The following GNB1 variants were observed in gnomAD, a reference collection of about 807,000 sequenced individuals.
GNB1 encodes the protein guanine nucleotide-binding protein G(I)/G(S)/G(T) subunit beta-1.
In GNB1, 2 loss-of-function variants were observed where a neutral mutation model predicts 42.9. That is an observed-to-expected ratio of 0.05 (90% CI 0.02 to 0.15). GNB1 has a LOEUF of 0.15. Ranked by LOEUF, GNB1 falls within the 10% of genes least tolerant of loss-of-function variation. The probability of loss-of-function intolerance (pLI) is 1.00; values close to 1 mark genes in which losing one functional copy is unlikely to be tolerated. For missense variants in GNB1, 193 were observed against 462.2 expected (o/e 0.42, Z 5.34); for synonymous variants, 183 against 174.7 (o/e 1.05, Z -0.38).
intron 1 of GNB1, among the ~76,000 whole-genome samples, chr1:1,885,551 CTTTTT>C (rs60651257): frequency 1.2e-4 from 11 of 94,052 alleles, no homozygotes; most frequent in African/African-American, 2.8e-4. Context: ...TCCACTTAAT[CTTTTT>C]TTTTTTTTTT....
In GNB1 at chr1:1,789,084, G is replaced by A. The variant is rs148709494; in HGVS notation, c.885C>T (p.Asn295=). Residue 295 remains asparagine (N), a synonymous_variant, in exon 10 of 12, where the codon AAC becomes AAT. Coordinates refer to ENST00000378609, the MANE Select transcript of GNB1 (RefSeq NM_002074.5). ...GGTCGGCTTTGAGTGCATCCCAGAC[G>A]TTGCAGTTGAAGTCGTCGTACCCAG... is the stretch of plus-strand genomic sequence containing the variant. The part of the protein sequence containing the change: ...LLAGYDDFNC[N]VWDALKADRA... The A allele has an allele frequency of 6.4e-5, 103 of 1,614,152 alleles. No homozygotes were observed. In the African/African-American group the frequency reaches 6.9e-4, roughly 11 times the overall value.
At chr1:1,837,014 A>C (rs184511665) in intron 2 of GNB1, among the ~76,000 whole-genome samples, 5 of 152,012 alleles carry the variant, frequency 3.3e-5, no homozygotes. Context: ...GTTCTTACCT[A>C]TTCTGGATAC....
At chr1:1,849,992 T>TG (rs146918756) in intron 1 of GNB1, among the ~76,000 whole-genome samples, 22,183 of 152,102 alleles carry the variant, frequency 0.15, 2,223 homozygotes, top group Non-Finnish European at 0.22. Context: ...TTGTTTGAGA[T>TG]GGAGTCTCGC....
intron 1 of GNB1, among the ~76,000 whole-genome samples, chr1:1,856,188 A>G (rs973599775): frequency 3.9e-5 from 6 of 152,174 alleles, no homozygotes; most frequent in Non-Finnish European, 1.5e-5. Flanking sequence ...CACCTGGCTA[A>G]CTTTTATATT....
At chr1:1,845,307 C>T (rs568889081) in intron 1 of GNB1, among the ~76,000 whole-genome samples, 1 of 152,344 alleles carries the variant, frequency 6.6e-6, no homozygotes, top group Non-Finnish European at 1.5e-5. Context: ...GGTGCGGTGG[C>T]TCACGCCTGT....
intron 7 of GNB1, among the ~76,000 whole-genome samples, chr1:1,803,819 T>C (rs1393724994): frequency 1.3e-5 from 2 of 151,510 alleles, no homozygotes; most frequent in Non-Finnish European, 1.5e-5. Flanking sequence ...CCGCCTCTAC[T>C]AAAAATACAA....
chr1:1,810,490 C>T (rs959823852), intron 5 of GNB1, among the ~76,000 whole-genome samples: 41 of 140,610 alleles, frequency 2.9e-4, no homozygotes, highest in Non-Finnish European at 5.3e-4. Context: ...AAGCTAGGAT[C>T]GCACCACTGC....
intron 1 of GNB1, among the ~76,000 whole-genome samples, chr1:1,846,568 AAATCAATC>A (rs201437769): frequency 1.2e-4 from 18 of 152,004 alleles, no homozygotes; most frequent in Admixed American, 1.1e-3. Context: ...CTCCATCTCA[AAATCAATC>A]AATCAATCAA....
intron 10 of GNB1, 155 bp downstream of exon 10, chr1:1,788,898 G>C: frequency 1.6e-6 from 1 of 619,110 alleles, no homozygotes; most frequent in Non-Finnish European, 2.9e-6. Flanking sequence ...TGGAGGGTCA[G>C]AGCTGGGCCA....
Position 1,830,910 on chromosome 1 carries a change from T to C in GNB1, c.-46-5411A>G, listed in dbSNP as rs528832353. 2.0e-5 allele frequency among the ~76,000 whole-genome samples: 3 copies of C among 152,266 alleles called. No homozygotes were observed. In the South Asian group the frequency reaches 6.2e-4, roughly 32 times the overall value. On this transcript the variant is annotated intron_variant, in intron 2 of 11. Coordinates refer to ENST00000378609, the MANE Select transcript of GNB1 (RefSeq NM_002074.5). ...CAGGTGCAATGGCTCAAGCCTATAA[T>C]CCCAGCACTTTGAGAGGCTGAGGCA... is the stretch of plus-strand genomic sequence containing the variant.
intron 1 of GNB1, among the ~76,000 whole-genome samples, chr1:1,878,061 C>T (rs1649644187): frequency 6.6e-6 from 1 of 152,204 alleles, no homozygotes; most frequent in Non-Finnish European, 1.5e-5. Context: ...ACTAAGTTCA[C>T]TGTCACCACG....
chr1:1,872,158 T>C (rs1649284724), intron 1 of GNB1, among the ~76,000 whole-genome samples: 1 of 152,060 alleles, frequency 6.6e-6, no homozygotes, highest in South Asian at 2.1e-4. Context: ...TATGCTACAA[T>C]GCCCAGCTAA....
chr1:1,802,258 C>T (rs1330151918), intron 7 of GNB1, among the ~76,000 whole-genome samples: 3 of 152,068 alleles, frequency 2.0e-5, no homozygotes, highest in Non-Finnish European at 2.9e-5. Flanking sequence ...GCACACAGCG[C>T]GGCCACCATG....
chr1:1,831,518 G>A (rs1049717232), intron 2 of GNB1, among the ~76,000 whole-genome samples: 12 of 151,910 alleles, frequency 7.9e-5, no homozygotes, highest in African/African-American at 2.2e-4. Context: ...GCGCGATCTC[G>A]GCTCACTGCA....
intron 2 of GNB1, among the ~76,000 whole-genome samples, chr1:1,829,031 T>C (rs1369544791): frequency 6.6e-6 from 1 of 152,170 alleles, no homozygotes. Flanking sequence ...TTACATTCTC[T>C]AGTCTCCAGG....
At chr1:1,869,475 CAGTGCAGCACCAGCAA>C (rs1649129828) in intron 1 of GNB1, among the ~76,000 whole-genome samples, 1 of 152,194 alleles carries the variant, frequency 6.6e-6, no homozygotes, top group African/African-American at 2.4e-5. Context: ...AGAGAAAAGG[CAGTGCAGCACCAGCAA>C]CACAGGTCCA....
intron 1 of GNB1, among the ~76,000 whole-genome samples, chr1:1,872,438 C>A (rs1246080791): frequency 6.6e-6 from 1 of 152,226 alleles, no homozygotes; most frequent in South Asian, 2.1e-4. Context: ...CAAGACTGTC[C>A]TGGGCAAACT....
chr1:1,830,817 A>C (rs1647065630), intron 2 of GNB1, among the ~76,000 whole-genome samples: 1 of 150,932 alleles, frequency 6.6e-6, no homozygotes, highest in Non-Finnish European at 1.5e-5. Context: ...AAAGCGCTAG[A>C]CTCTAATCTA....
intron 7 of GNB1, among the ~76,000 whole-genome samples, chr1:1,801,699 G>T (rs1646628959): frequency 6.6e-6 from 1 of 152,006 alleles, no homozygotes; most frequent in African/African-American, 2.4e-5. Context: ...CTGTAATCAA[G>T]TAACTCAAAG....
Sources: gnomAD v4.1 joint callset for allele counts (sites outside exome capture counted in the v4.1 genomes callset) on GRCh38, gnomAD v4.1.1 for gene constraint, MANE v1.5 for transcripts, NCBI Gene and HGNC (gene_info 2026-07-23, HGNC 2026-07-21) for gene names.